Variants in CYP4Z1 observed in about 807,000 individuals in gnomAD.
The protein encoded by CYP4Z1 is cytochrome P450 family 4 subfamily Z member 1.
A neutral mutation model predicts 54.2 loss-of-function variants in CYP4Z1; 41 were observed. That is an observed-to-expected ratio of 0.76 (90% CI 0.59 to 0.98). The LOEUF (loss-of-function observed/expected upper bound fraction) is 0.98. Ranked by LOEUF, CYP4Z1 falls within the 50% of genes least tolerant of loss-of-function variation. The probability of loss-of-function intolerance (pLI) is 0.00; values close to 1 mark genes in which losing one functional copy is unlikely to be tolerated. For missense variants in CYP4Z1, 513 were observed against 599.0 expected (o/e 0.86, Z 1.50); for synonymous variants, 163 against 206.2 (o/e 0.79, Z 1.79).
chr1:47,057,336 ATATATATATATAT>A, the CYP4Z1 span, among the ~76,000 whole-genome samples: 104 of 56,608 alleles, frequency 1.8e-3, 6 homozygotes, highest in African/African-American at 5.5e-3. Context: ...AGAAAAAAAA[ATATATATATATAT>A]ATATATATAT....
At chr1:47,116,244 T>C (rs1317457574) in intron 10 of CYP4Z1, among the ~76,000 whole-genome samples, 1 of 152,186 alleles carries the variant, frequency 6.6e-6, no homozygotes, top group Non-Finnish European at 1.5e-5. Flanking sequence ...TTTGCCCAAG[T>C]CACTGGCTCA....
rs200430087 is a variant in CYP4Z1 at position 47,099,198 on chromosome 1, T to C, written c.981T>C (p.Leu327=). 1 of 1,614,014 alleles carries C rather than the reference T, an allele frequency of 6.2e-7. No individual in the cohort carries two copies. Among genetic ancestry groups the C allele is most frequent in the Non-Finnish European group, 8.5e-7 (1 of 1,179,968 alleles). The change falls in exon 8 of 12, where the codon CTT becomes CTC. Residue 327 remains leucine, a synonymous_variant. Coordinates refer to ENST00000334194, the MANE Select transcript of CYP4Z1 (RefSeq NM_178134.3). ...DTTSSAISWI[L]YCLAKYPEHQ... ...CATCCAGTGCTATCTCCTGGATCCT[T>C]TACTGCTTGGCAAAGTACCCTGAGC...
rs777659874 is a variant in CYP4Z1, at chr1:47,115,547, A to G, written c.1220A>G (p.Asn407Ser). Residue 407 changes from asparagine (N) to serine (S), a missense_variant, in exon 10 of 12, where the codon AAT becomes AGT. Transcript: ENST00000334194. ...TACTCAGGAATAACTGTGTTTATCA[A>G]TATTTGGGCTCTTCACCACAACCCC... is the stretch of plus-strand genomic sequence containing the variant. ...SLPAGITVFI[N>S]IWALHHNPYF... 7 of 1,613,516 alleles carry G rather than the reference A, an allele frequency of 4.3e-6. No homozygotes were observed. In the East Asian group the frequency reaches 1.3e-4, roughly 31 times the overall value.
Position 47,068,616 on chromosome 1 carries a change from T to C in CYP4Z1, c.178-6T>C. The C allele has an allele frequency of 6.2e-7, 1 of 1,613,820 alleles. No homozygotes were observed. Among genetic ancestry groups the C allele is most frequent in the Non-Finnish European group, 8.5e-7 (1 of 1,179,832 alleles). On this transcript the variant is annotated splice_polypyrimidine_tract_variant and splice_region_variant and intron_variant, in intron 1 of 11. Coordinates refer to ENST00000334194, the MANE Select transcript of CYP4Z1 (RefSeq NM_178134.3). ...TACTAACCAGTCATGACTTATCTTA[T>C]GACAGTTTTACCCAGTAAAGGAGTT...
Position 47,067,474 on chromosome 1 carries a change from C to G in CYP4Z1, c.-17C>G. The G allele has an allele frequency of 1.3e-5, 21 of 1,590,854 alleles. No individual in the cohort carries two copies. The African/African-American group carries it at 1.6e-4, about 12-fold the overall frequency. ...CAGTTCTCTCAGGCTCTCCAGAGCTCAGGACCTCTGAGAAGAATGGAGCCC... is the reference window on the plus strand; with the variant it reads ...CAGTTCTCTCAGGCTCTCCAGAGCTGAGGACCTCTGAGAAGAATGGAGCCC... On this transcript the variant is annotated 5_prime_UTR_variant, in exon 1 of 12. Transcript: ENST00000334194.
Position 47,116,745 on chromosome 1 carries a change from G to A in CYP4Z1, c.1349+13G>A. 1 of 1,589,696 alleles carries A rather than the reference G, an allele frequency of 6.3e-7. No individual in the cohort carries two copies. Among genetic ancestry groups the A allele is most frequent in the Non-Finnish European group, 8.6e-7 (1 of 1,161,496 alleles). ...CAGCTGGATTAAGGTAAAGACTCAA[G>A]CTGGTGAACTTGATGGAAATGTGTA... On this transcript the variant is annotated intron_variant, in intron 11 of 11. Coordinates refer to ENST00000334194, the MANE Select transcript of CYP4Z1 (RefSeq NM_178134.3).
In CYP4Z1 at chr1:47,070,407, C is replaced by A. The variant is rs1462850697; in HGVS notation, c.319+1644C>A. ...CTATCACCGCCATCCATCTTCAGAA[C>A]TTTTTCATCTTCCCAAACTGGAACT... On this transcript the variant is annotated intron_variant, in intron 2 of 11. Transcript: ENST00000334194. 2.0e-5 allele frequency among the ~76,000 whole-genome samples: 2 copies of A among 98,306 alleles called. 1 individual carries two copies. 64.5% of individuals were successfully genotyped at this position (98,306 alleles called of 152,430 possible). A position where few individuals can be genotyped will look rare whatever the true frequency, so the allele number is the denominator to read the frequency against.
chr1:47,086,168 CTT>C (rs1644593130), intron 6 of CYP4Z1, among the ~76,000 whole-genome samples: 1 of 152,146 alleles, frequency 6.6e-6, no homozygotes, highest in Admixed American at 6.5e-5. Flanking sequence ...GTGCATGTGT[CTT>C]TATAGCAGCA....
At chr1:47,063,453 C>T (rs1209962570), upstream of CYP4Z1, among the ~76,000 whole-genome samples, 4 of 151,718 alleles carry the variant, frequency 2.6e-5, no homozygotes, top group African/African-American at 9.7e-5. Flanking sequence ...AAGGAGGCAC[C>T]AGAGAAAGGT....
intron 6 of CYP4Z1, among the ~76,000 whole-genome samples, chr1:47,090,251 C>T (rs1644629896): frequency 1.3e-5 from 2 of 152,202 alleles, no homozygotes. Flanking sequence ...ATAACTATTA[C>T]TCCTGCCATA....
the CYP4Z1 span, among the ~76,000 whole-genome samples, chr1:47,057,739 T>G: frequency 1.3e-5 from 2 of 152,002 alleles, no homozygotes; most frequent in South Asian, 4.1e-4. Flanking sequence ...AAAAATCATT[T>G]GTAAATATTT....
upstream of CYP4Z1, among the ~76,000 whole-genome samples, chr1:47,067,117 A>G (rs371141330): frequency 1.2e-4 from 18 of 152,320 alleles, no homozygotes; most frequent in East Asian, 2.7e-3. Context: ...ACAAAAAAGA[A>G]CAGAGAATGA....
intron 2 of CYP4Z1, among the ~76,000 whole-genome samples, chr1:47,073,936 CT>C (rs1354182810): frequency 1.3e-5 from 2 of 152,088 alleles, no homozygotes; most frequent in African/African-American, 2.4e-5. Flanking sequence ...TACACAAAAG[CT>C]TTTCATTTTT....
the CYP4Z1 span, among the ~76,000 whole-genome samples, chr1:47,057,338 AT>A: frequency 1.8e-3 from 131 of 72,582 alleles, 7 homozygotes; most frequent in African/African-American, 4.0e-3. Flanking sequence ...AAAAAAAAAT[AT>A]ATATATATAT....
intron 4 of CYP4Z1, 50 bp from the exon 5 acceptor site, chr1:47,084,570 T>C (rs1448547881): frequency 2.4e-5 from 36 of 1,513,934 alleles, no homozygotes; most frequent in Non-Finnish European, 3.2e-5. Flanking sequence ...AACTTAGAAA[T>C]TGGGAAAGAT....
At chr1:47,063,354 A>G (rs1047373251), upstream of CYP4Z1, among the ~76,000 whole-genome samples, 2 of 152,160 alleles carry the variant, frequency 1.3e-5, no homozygotes, top group Non-Finnish European at 2.9e-5. Context: ...CCAAGAGATC[A>G]TATCAGCTTA....
chr1:47,057,500 T>C, the CYP4Z1 span, among the ~76,000 whole-genome samples: 1 of 119,772 alleles, frequency 8.3e-6, no homozygotes, highest in Non-Finnish European at 1.7e-5. Flanking sequence ...TTTTAGCTTT[T>C]TTCATTTTTT....
chr1:47,115,283 C>T (rs1462293448), intron 9 of CYP4Z1, among the ~76,000 whole-genome samples: 1 of 151,986 alleles, frequency 6.6e-6, no homozygotes. Flanking sequence ...ACATCACACA[C>T]CAGAGCCTGT....
chr1:47,084,471 T>G lies in CYP4Z1; in HGVS notation c.493-149T>G, dbSNP rs1165481200. 6 of 1,064,356 alleles carry G rather than the reference T, an allele frequency of 5.6e-6. No homozygotes were observed. In the African/African-American group the frequency reaches 6.8e-5, roughly 12 times the overall value. 65.9% of individuals were successfully genotyped at this position (1,064,356 alleles called of 1,614,324 possible). A position where few individuals can be genotyped will look rare whatever the true frequency, so the allele number is the denominator to read the frequency against. ...ATCATTTTCAGTACTGACAAGGTGT[T>G]TCATTTTATATGGTTGTCATAATAA... On this transcript the variant is annotated intron_variant, in intron 4 of 11. Coordinates refer to ENST00000334194, the MANE Select transcript of CYP4Z1 (RefSeq NM_178134.3).
Sources: gnomAD v4.1 joint callset for allele counts (sites outside exome capture counted in the v4.1 genomes callset) on GRCh38, gnomAD v4.1.1 for gene constraint, MANE v1.5 for transcripts, NCBI Gene and HGNC (gene_info 2026-07-23, HGNC 2026-07-21) for gene names.